The following PLS1 variants were observed in gnomAD, a reference collection of about 807,000 sequenced individuals.
The protein encoded by PLS1 is plastin 1, also known as plastin-1.
PLS1 carries 32 observed loss-of-function variants against 73.7 expected under a neutral mutation model. The ratio of observed to expected loss-of-function variants is 0.43; its 90% CI spans 0.33 to 0.58. The LOEUF (loss-of-function observed/expected upper bound fraction) is 0.58, where lower values mean the gene tolerates loss of function less well. Ranked by LOEUF, PLS1 falls within the 20% of genes least tolerant of loss-of-function variation. The pLI is 0.04. For missense variants in PLS1, 633 were observed against 740.5 expected (o/e 0.85, Z 1.68); for synonymous variants, 217 against 261.3 (o/e 0.83, Z 1.63).
chr3:142,664,423 C>CT (rs1410997590), intron 2 of PLS1, 116 bp downstream of exon 2: 10 of 522,122 alleles, frequency 1.9e-5, no homozygotes, highest in Non-Finnish European at 3.1e-5. Context: ...AGATTTATTC[C>CT]TTTTTTTCTA....
intron 6 of PLS1, among the ~76,000 whole-genome samples, chr3:142,680,119 A>G (rs922561297): frequency 2.6e-5 from 4 of 152,214 alleles, no homozygotes; most frequent in South Asian, 2.1e-4. Flanking sequence ...GGGTCTTGCT[A>G]TGCCACCCAA....
chr3:142,693,080 G>A (rs1262287776), intron 10 of PLS1, among the ~76,000 whole-genome samples: 1 of 152,126 alleles, frequency 6.6e-6, no homozygotes, highest in Non-Finnish European at 1.5e-5. Context: ...TTATAAAGTG[G>A]TGGTAGCAGA....
intron 1 of PLS1, among the ~76,000 whole-genome samples, chr3:142,624,892 A>G (rs1167877916): frequency 6.6e-6 from 1 of 152,160 alleles, no homozygotes; most frequent in Non-Finnish European, 1.5e-5. Context: ...CCTTTGTGCC[A>G]GTCCTTTTAC....
chr3:142,601,016 C>T (rs1197760273), intron 1 of PLS1, among the ~76,000 whole-genome samples: 17 of 140,358 alleles, frequency 1.2e-4, no homozygotes, highest in South Asian at 9.4e-4. Context: ...CTCCGCCTCC[C>T]GGGTTCACGC....
At chr3:142,653,037 T>C (rs1412747366) in intron 1 of PLS1, among the ~76,000 whole-genome samples, 1 of 152,202 alleles carries the variant, frequency 6.6e-6, no homozygotes, top group Non-Finnish European at 1.5e-5. Flanking sequence ...TCCGCGTCCA[T>C]ATTTTTCTTC....
chr3:142,607,663 A>G (rs992322639), intron 1 of PLS1, among the ~76,000 whole-genome samples: 1 of 152,232 alleles, frequency 6.6e-6, no homozygotes, highest in Non-Finnish European at 1.5e-5. Context: ...TAAAGTCCTT[A>G]GCTTATTCAT....
chr3:142,671,210 T>A, intron 4 of PLS1, 88 bp downstream of exon 4: 1 of 1,129,704 alleles, frequency 8.9e-7, no homozygotes, highest in Non-Finnish European at 1.3e-6. Flanking sequence ...CCACTCATTG[T>A]GATTCATACC....
Position 142,712,239 on chromosome 3 carries a change from G to T in PLS1, c.*232G>T. The T allele has an allele frequency of 3.0e-6, 1 of 337,994 alleles. No individual in the cohort carries two copies. Among genetic ancestry groups the T allele is most frequent in the East Asian group, 4.6e-5 (1 of 21,510 alleles). 20.9% of individuals were successfully genotyped at this position (337,994 alleles called of 1,614,324 possible). A position where few individuals can be genotyped will look rare whatever the true frequency, so the allele number is the denominator to read the frequency against. On this transcript the variant is annotated 3_prime_UTR_variant, in exon 16 of 16. Coordinates refer to ENST00000457734, the MANE Select transcript of PLS1 (RefSeq NM_001145319.2). Reference sequence around the variant, plus strand: ...AATAGAATATATTCATAATCAAGCTGATACTTCATGATTAAATTATTTTTG... The same window carrying T: ...AATAGAATATATTCATAATCAAGCTTATACTTCATGATTAAATTATTTTTG...
rs758882926 is a variant in PLS1 at position 142,689,766 on chromosome 3, G to A, written c.1130G>A (p.Cys377Tyr). 1 of 1,602,272 alleles carries A rather than the reference G, an allele frequency of 6.2e-7. No individual in the cohort carries two copies. Among genetic ancestry groups the A allele is most frequent in the Non-Finnish European group, 8.5e-7 (1 of 1,175,290 alleles). ...GCTAATTTGTTTAACACATACCCGTGCCTGCACAAGCCGAATAATAATGAC... is the reference window on the plus strand; with the variant it reads ...GCTAATTTGTTTAACACATACCCGTACCTGCACAAGCCGAATAATAATGAC... ...FVANLFNTYP[C>Y]LHKPNNNDID... Residue 377 changes from cysteine (C) to tyrosine (Y), a missense_variant, in exon 10 of 16, where the codon TGC becomes TAC. Cys to Tyr is a radical substitution (Grantham distance 194, BLOSUM62 -2). Transcript: ENST00000457734.
chr3:142,703,206 C>T (rs1200093179), intron 12 of PLS1, among the ~76,000 whole-genome samples: 1 of 151,792 alleles, frequency 6.6e-6, no homozygotes, highest in Admixed American at 6.6e-5. Context: ...TCATCTATTA[C>T]TTCTATGAAA....
At chr3:142,649,335 CAAA>C (rs3055060) in intron 1 of PLS1, among the ~76,000 whole-genome samples, 9 of 93,496 alleles carry the variant, frequency 9.6e-5, no homozygotes, top group Admixed American at 1.2e-4. Flanking sequence ...GACCCTATGT[CAAA>C]AAAAAAAAAA....
chr3:142,664,663 A>G (rs556999700), intron 2 of PLS1, among the ~76,000 whole-genome samples: 14 of 152,318 alleles, frequency 9.2e-5, no homozygotes, highest in Non-Finnish European at 2.1e-4. Context: ...TCTTTGCACT[A>G]ACAATAACAC....
Position 142,643,685 on chromosome 3 carries a change from G to A in PLS1, c.-36-20517G>A, listed in dbSNP as rs576934737. 7.2e-5 allele frequency among the ~76,000 whole-genome samples: 11 copies of A among 152,282 alleles called. No homozygotes were observed. The East Asian group carries it at 7.7e-4, about 11-fold the overall frequency. ...ATTGGTCTTCTAATACTGAGTATGC[G>A]TAGAGCTAACTTTGATTTAGTTTAG... On this transcript the variant is annotated intron_variant, in intron 1 of 15. Coordinates refer to ENST00000457734, the MANE Select transcript of PLS1 (RefSeq NM_001145319.2).
intron 1 of PLS1, among the ~76,000 whole-genome samples, chr3:142,662,730 A>G (rs200737105): frequency 1.4e-4 from 21 of 152,364 alleles, no homozygotes; most frequent in East Asian, 1.3e-3. Context: ...TAGAAGCAGT[A>G]CAAATACTCT....
chr3:142,632,520 A>G (rs1409737989), intron 1 of PLS1, among the ~76,000 whole-genome samples: 1 of 152,184 alleles, frequency 6.6e-6, no homozygotes, highest in Non-Finnish European at 1.5e-5. Flanking sequence ...GAGGGCCCTC[A>G]AAAAATTAAA....
rs192684351 is a variant in PLS1 at position 142,707,815 on chromosome 3, A to G, written c.1629+3229A>G. Reference sequence around the variant, plus strand: ...TATGGGGTGTCAGCAATACTATATAAATCAGCTAAGGGGGGAGTGTGGGAC... The same window carrying G: ...TATGGGGTGTCAGCAATACTATATAGATCAGCTAAGGGGGGAGTGTGGGAC... On this transcript the variant is annotated intron_variant, in intron 14 of 15. Transcript: ENST00000457734. Among the ~76,000 whole-genome samples the G allele has an allele frequency of 7.9e-5, 12 of 152,244 alleles. No individual in the cohort carries two copies. The East Asian group carries it at 2.1e-3, about 27-fold the overall frequency.
Position 142,644,490 on chromosome 3 carries a change from C to T in PLS1, c.-36-19712C>T, listed in dbSNP as rs144598601. Among the ~76,000 whole-genome samples the T allele has an allele frequency of 7.5e-3, 1,148 of 152,064 alleles. 16 individuals carry two copies. Among genetic ancestry groups the T allele is most frequent in the African/African-American group, 0.027 (1,103 of 41,482 alleles). On this transcript the variant is annotated intron_variant, in intron 1 of 15. Coordinates refer to ENST00000457734, the MANE Select transcript of PLS1 (RefSeq NM_001145319.2). ...CTCGTCTCAAACTCCTGGGCTCAAG[C>T]GATACTCCTGCCTTGGCCTCCCAAA...
At chr3:142,628,883 A>G (rs2036490315) in intron 1 of PLS1, among the ~76,000 whole-genome samples, 1 of 152,238 alleles carries the variant, frequency 6.6e-6, no homozygotes, top group African/African-American at 2.4e-5. Context: ...AGTTAACTGA[A>G]GTAAAATATT....
chr3:142,645,619 C>T (rs1442015498), intron 1 of PLS1: 1 of 152,166 alleles, frequency 6.6e-6, no homozygotes, highest in Non-Finnish European at 1.5e-5. Context: ...GGAAATGACT[C>T]ACAGCTTCCT....
Sources: gnomAD v4.1 joint callset for allele counts (sites outside exome capture counted in the v4.1 genomes callset) on GRCh38, gnomAD v4.1.1 for gene constraint, MANE v1.5 for transcripts, NCBI Gene and HGNC (gene_info 2026-07-23, HGNC 2026-07-21) for gene names.